Variants in MEI4 observed in about 807,000 individuals in gnomAD.
MEI4 encodes meiotic double-stranded break formation protein 4, also known as meiosis-specific protein MEI4.
MEI4 carries 27 observed loss-of-function variants against 31.4 expected under a neutral mutation model. The ratio of observed to expected loss-of-function variants is 0.86; its 90% CI spans 0.63 to 1.19. The LOEUF (loss-of-function observed/expected upper bound fraction) is 1.19. Ranked by LOEUF, MEI4 falls within the 50% of genes most tolerant of loss-of-function variation. The probability of loss-of-function intolerance (pLI) is 0.00; values close to 1 mark genes in which losing one functional copy is unlikely to be tolerated. For missense variants in MEI4, 329 were observed against 398.9 expected (o/e 0.82, Z 1.49); for synonymous variants, 122 against 145.4 (o/e 0.84, Z 1.16).
chr6:77,857,338 A>C (rs937664297), intron 4 of MEI4, among the ~76,000 whole-genome samples: 6 of 152,210 alleles, frequency 3.9e-5, no homozygotes, highest in Non-Finnish European at 8.8e-5. Context: ...GGTTTTACTG[A>C]TGAATTCACT....
upstream of MEI4, among the ~76,000 whole-genome samples, chr6:77,651,126 G>T (rs1009149845): frequency 1.3e-5 from 2 of 152,180 alleles, no homozygotes; most frequent in Admixed American, 1.3e-4. Flanking sequence ...ATAAAGTAGT[G>T]TGGGACATGG....
rs370497492 is a variant in MEI4 at position 77,816,514 on chromosome 6, C to A, written c.769-12417C>A. ...CATAGTATTCCACAGTGTATATGTG[C>A]CACATTTTCTTAATCCAGTCTATCA... is the stretch of plus-strand genomic sequence containing the variant. On this transcript the variant is annotated intron_variant, in intron 3 of 4. Coordinates refer to ENST00000684080, the MANE Select transcript of MEI4 (RefSeq NM_001322247.2). Among the ~76,000 whole-genome samples, 495 of 152,178 alleles carry A rather than the reference C, an allele frequency of 3.3e-3. 27 individuals are homozygous for A. The South Asian group carries it at 0.099, about 31-fold the overall frequency.
At chr6:77,727,615 G>C (rs1034803069) in intron 2 of MEI4, among the ~76,000 whole-genome samples, 2 of 152,040 alleles carry the variant, frequency 1.3e-5, no homozygotes, top group African/African-American at 4.8e-5. Context: ...CAATTTCTTT[G>C]GTATCTGTGA....
At chr6:77,715,160 GA>G (rs1262317542) in intron 2 of MEI4, among the ~76,000 whole-genome samples, 3 of 151,770 alleles carry the variant, frequency 2.0e-5, no homozygotes, top group East Asian at 3.9e-4. Flanking sequence ...TTCTCTTCTG[GA>G]AAAAAAATGT....
intron 3 of MEI4, among the ~76,000 whole-genome samples, chr6:77,791,476 A>T (rs1266761069): frequency 1.4e-5 from 2 of 142,180 alleles, no homozygotes. Flanking sequence ...GTGGGAATTG[A>T]ACAATGAGAT....
At chr6:77,726,321 C>A (rs1766819427) in intron 2 of MEI4, among the ~76,000 whole-genome samples, 1 of 151,518 alleles carries the variant, frequency 6.6e-6, no homozygotes, top group African/African-American at 2.4e-5. Flanking sequence ...CTACTTCTTT[C>A]TACACAGACA....
intron 2 of MEI4, among the ~76,000 whole-genome samples, chr6:77,730,445 C>T (rs866363391): frequency 3.4e-4 from 52 of 151,984 alleles, no homozygotes; most frequent in African/African-American, 1.2e-3. Flanking sequence ...TATGTTTTCA[C>T]TATACTGCAA....
intron 3 of MEI4, among the ~76,000 whole-genome samples, chr6:77,796,549 G>T (rs571713479): frequency 2.6e-5 from 4 of 152,142 alleles, no homozygotes; most frequent in Admixed American, 2.0e-4. Context: ...AAAAAATCAG[G>T]TGTGCTTCTA....
chr6:77,733,333 A>C (rs1767072053), intron 2 of MEI4, among the ~76,000 whole-genome samples: 2 of 151,982 alleles, frequency 1.3e-5, no homozygotes, highest in African/African-American at 4.8e-5. Flanking sequence ...CAGAGATTCA[A>C]CTTCTTCCTG....
intron 1 of MEI4, among the ~76,000 whole-genome samples, chr6:77,667,486 C>G (rs1243568005): frequency 6.6e-6 from 1 of 152,186 alleles, no homozygotes; most frequent in Non-Finnish European, 1.5e-5. Flanking sequence ...TGAACTATTT[C>G]ACTCACAACC....
intron 3 of MEI4, among the ~76,000 whole-genome samples, chr6:77,766,437 G>A (rs868359002): frequency 3.3e-5 from 5 of 151,966 alleles, no homozygotes; most frequent in South Asian, 2.1e-4. Context: ...TTTTTGAGAC[G>A]GAGTCTCTCT....
At chr6:77,875,509 T>TC (rs1771312953) in intron 4 of MEI4, among the ~76,000 whole-genome samples, 1 of 152,210 alleles carries the variant, frequency 6.6e-6, no homozygotes. Flanking sequence ...AAGCATGTTT[T>TC]AAATCTCTGA....
chr6:77,911,296 G>GT (rs1766429457), intron 4 of MEI4, among the ~76,000 whole-genome samples: 1 of 151,660 alleles, frequency 6.6e-6, no homozygotes, highest in Non-Finnish European at 1.5e-5. Flanking sequence ...CTATTTTTTT[G>GT]TTTTTTGTTT....
chr6:77,902,535 T>C (rs1274878719), intron 4 of MEI4, among the ~76,000 whole-genome samples: 1 of 152,108 alleles, frequency 6.6e-6, no homozygotes, highest in African/African-American at 2.4e-5. Flanking sequence ...GCACTACTGA[T>C]TTTTGTGTAT....
intron 1 of MEI4, among the ~76,000 whole-genome samples, chr6:77,654,817 GT>G (rs1768363475): frequency 6.6e-6 from 1 of 152,050 alleles, no homozygotes; most frequent in Non-Finnish European, 1.5e-5. Flanking sequence ...CAGACAGTAA[GT>G]TTTTGAGTAC....
At chr6:77,915,742 C>G (rs1161579136) in intron 4 of MEI4, among the ~76,000 whole-genome samples, 2 of 151,800 alleles carry the variant, frequency 1.3e-5, no homozygotes, top group East Asian at 3.9e-4. Flanking sequence ...TAGGGAAGAT[C>G]TTTTTTAATT....
At chr6:77,763,195 C>T in intron 3 of MEI4, among the ~76,000 whole-genome samples, 1 of 151,874 alleles carries the variant, frequency 6.6e-6, no homozygotes, top group East Asian at 1.9e-4. Flanking sequence ...AATGAAAGTC[C>T]TCTTTTCTCT....
intron 2 of MEI4, among the ~76,000 whole-genome samples, chr6:77,695,622 T>G (rs1178366305): frequency 6.6e-6 from 1 of 152,204 alleles, no homozygotes; most frequent in Non-Finnish European, 1.5e-5. Flanking sequence ...CATTGATCTA[T>G]ATCTCTGTTT....
At chr6:77,773,364 C>T (rs1768363089) in intron 3 of MEI4, among the ~76,000 whole-genome samples, 1 of 151,768 alleles carries the variant, frequency 6.6e-6, no homozygotes, top group South Asian at 2.1e-4. Context: ...AAATAGAGAA[C>T]CCAGAAATAA....
Sources: gnomAD v4.1 joint callset for allele counts (sites outside exome capture counted in the v4.1 genomes callset) on GRCh38, gnomAD v4.1.1 for gene constraint, MANE v1.5 for transcripts, NCBI Gene and HGNC (gene_info 2026-07-23, HGNC 2026-07-21) for gene names.